Variants in MYO1D observed in about 807,000 individuals in gnomAD.
MYO1D encodes the protein myosin ID.
A neutral mutation model predicts 122.0 loss-of-function variants in MYO1D; 83 were observed. That is an observed-to-expected ratio of 0.68 (90% CI 0.57 to 0.82). The LOEUF is 0.82. Among genes scored for constraint, MYO1D ranks in the 40% least tolerant of loss-of-function variants. MYO1D has a pLI of 0.00. For missense variants in MYO1D, 1,157 were observed against 1,269.5 expected (o/e 0.91, Z 1.35); for synonymous variants, 464 against 446.9 (o/e 1.04, Z -0.48).
At chr17:32,567,143 C>T (rs2087181477) in intron 21 of MYO1D, among the ~76,000 whole-genome samples, 1 of 151,868 alleles carries the variant, frequency 6.6e-6, no homozygotes, top group Non-Finnish European at 1.5e-5. Flanking sequence ...GAAGGGGTGG[C>T]AGAAGTCAAT....
intron 21 of MYO1D, chr17:32,505,066 G>C (rs1470873973): frequency 6.6e-6 from 1 of 152,352 alleles, no homozygotes. Flanking sequence ...CTCTGCCTTG[G>C]GTCTGCCCCA....
intron 21 of MYO1D, among the ~76,000 whole-genome samples, chr17:32,513,312 T>G (rs1029018271): frequency 6.0e-4 from 91 of 151,988 alleles, no homozygotes; most frequent in Admixed American, 1.9e-3. Context: ...AGGGCAAGAG[T>G]GGGGTCCCGC....
chr17:32,797,702 C>T (rs1598107348), intron 1 of MYO1D, among the ~76,000 whole-genome samples: 1 of 152,054 alleles, frequency 6.6e-6, no homozygotes, highest in Non-Finnish European at 1.5e-5. Context: ...TGGAGTGTAT[C>T]CCTCACAGAT....
chr17:32,829,008 C>T (rs867491884), intron 1 of MYO1D, among the ~76,000 whole-genome samples: 1 of 152,184 alleles, frequency 6.6e-6, no homozygotes, highest in Non-Finnish European at 1.5e-5. Context: ...CACTGAGCTA[C>T]ACTGCCTCAA....
At chr17:32,587,349 T>A (rs929747694) in intron 21 of MYO1D, among the ~76,000 whole-genome samples, 1 of 151,974 alleles carries the variant, frequency 6.6e-6, no homozygotes, top group African/African-American at 2.4e-5. Flanking sequence ...CCGTTTCTAC[T>A]AAAAATACAA....
chr17:32,755,368 T>G (rs2089936391), intron 11 of MYO1D, 124 bp downstream of exon 11: 8 of 1,024,034 alleles, frequency 7.8e-6, no homozygotes, highest in Non-Finnish European at 8.5e-6. Context: ...AATGAATGTT[T>G]ATGACTTTTC....
intron 14 of MYO1D, among the ~76,000 whole-genome samples, chr17:32,728,907 A>G (rs2089606255): frequency 1.3e-5 from 2 of 152,208 alleles, no homozygotes; most frequent in Admixed American, 6.5e-5. Context: ...CCAACTAAGA[A>G]ATGGGGGGAA....
intron 6 of MYO1D, among the ~76,000 whole-genome samples, chr17:32,769,285 C>G (rs190782839): frequency 1.3e-5 from 2 of 152,220 alleles, no homozygotes; most frequent in African/African-American, 4.8e-5. Context: ...GAAAACCAGC[C>G]TAAGAGGACA....
At chr17:32,775,805 T>C (rs1267620220) in intron 4 of MYO1D, 59 bp downstream of exon 4, 3 of 1,338,614 alleles carry the variant, frequency 2.2e-6, no homozygotes, top group East Asian at 2.4e-5. Flanking sequence ...TCTATAAATA[T>C]AATTTGTTTA....
chr17:32,750,769 C>T (rs567541221), intron 11 of MYO1D, among the ~76,000 whole-genome samples: 5 of 152,310 alleles, frequency 3.3e-5, no homozygotes, highest in South Asian at 2.1e-4. Context: ...CAGACCTCCA[C>T]GGTTCAAATC....
intron 7 of MYO1D, among the ~76,000 whole-genome samples, chr17:32,766,736 G>T (rs1021290083): frequency 6.6e-6 from 1 of 152,032 alleles, no homozygotes; most frequent in African/African-American, 2.4e-5. Context: ...AGCTTGCAGT[G>T]AGCCTAGATT....
At chr17:32,616,841 G>C (rs1218427288) in intron 20 of MYO1D, among the ~76,000 whole-genome samples, 3 of 152,146 alleles carry the variant, frequency 2.0e-5, no homozygotes, top group Non-Finnish European at 4.4e-5. Context: ...GCTCATAAAA[G>C]GCAATGCAGC....
rs542621448 is a variant in MYO1D, at chr17:32,789,198, C to T, written c.96-8414G>A. On this transcript the variant is annotated intron_variant, in intron 1 of 21. Transcript: ENST00000318217. ...CTTAGGGGTTTTCTAGGTATATGAT[C>T]AGATCTCTGGTGAACAGCAACAGTT... Among the ~76,000 whole-genome samples the T allele has an allele frequency of 8.5e-5, 13 of 152,224 alleles. No individual in the cohort carries two copies. In the South Asian group the frequency reaches 2.5e-3, roughly 29 times the overall value.
intron 3 of MYO1D, among the ~76,000 whole-genome samples, chr17:32,777,751 G>A (rs1479087632): frequency 6.6e-6 from 1 of 151,760 alleles, no homozygotes; most frequent in African/African-American, 2.4e-5. Flanking sequence ...CGAGACCACA[G>A]TGAAACCCCG....
chr17:32,711,746 A>G (rs2150986441), intron 16 of MYO1D, among the ~76,000 whole-genome samples: 1 of 152,334 alleles, frequency 6.6e-6, no homozygotes, highest in Non-Finnish European at 1.5e-5. Context: ...TCCAACTTTA[A>G]AAACAAAATA....
intron 20 of MYO1D, among the ~76,000 whole-genome samples, chr17:32,638,186 C>G (rs573721356): frequency 6.6e-6 from 1 of 151,970 alleles, no homozygotes; most frequent in African/African-American, 2.4e-5. Flanking sequence ...GAGATACCCA[C>G]GAAATTTCGT....
At chr17:32,524,153 G>C (rs1910255851) in intron 21 of MYO1D, among the ~76,000 whole-genome samples, 1 of 152,112 alleles carries the variant, frequency 6.6e-6, no homozygotes, top group African/African-American at 2.4e-5. Flanking sequence ...CTATGTTTGG[G>C]AAAGCATATC....
Position 32,559,971 on chromosome 17 carries a change from A to C in MYO1D, c.2864+45116T>G, listed in dbSNP as rs541440256. On this transcript the variant is annotated intron_variant, in intron 21 of 21. Coordinates refer to ENST00000318217, the MANE Select transcript of MYO1D (RefSeq NM_015194.3). ...GAAACCCTCATCCAACTGCATAAAA[A>C]GTGTGCCAGGTGTGGTGGCTCACGC... Among the ~76,000 whole-genome samples, 51 of 152,330 alleles carry C rather than the reference A, an allele frequency of 3.3e-4. 1 individual carries two copies. The highest frequency in any genetic ancestry group is 1.2e-3 in the African/African-American group (50 of 41,584).
rs151006025 is a variant in MYO1D, at chr17:32,641,682, C to T, written c.2596-2847G>A. Among the ~76,000 whole-genome samples the T allele has an allele frequency of 3.4e-3, 511 of 152,234 alleles. 4 individuals carry two copies. Among genetic ancestry groups the T allele is most frequent in the African/African-American group, 0.012 (479 of 41,534 alleles). On this transcript the variant is annotated intron_variant, in intron 19 of 21. Transcript: ENST00000318217. Reference sequence around the variant, plus strand: ...TTTTGATTTGCATTTCTCTGATGGCCGGTGATGATGAGCATTTTTTCATGT... The same window carrying T: ...TTTTGATTTGCATTTCTCTGATGGCTGGTGATGATGAGCATTTTTTCATGT...
Sources: gnomAD v4.1 joint callset for allele counts (sites outside exome capture counted in the v4.1 genomes callset) on GRCh38, gnomAD v4.1.1 for gene constraint, MANE v1.5 for transcripts, NCBI Gene and HGNC (gene_info 2026-07-23, HGNC 2026-07-21) for gene names.